Variants in CPVL observed in about 807,000 individuals in gnomAD.
The protein encoded by CPVL is probable serine carboxypeptidase CPVL.
A neutral mutation model predicts 63.7 loss-of-function variants in CPVL; 51 were observed. The observed-to-expected ratio is 0.80, with a 90% CI of 0.64 to 1.01. The LOEUF is 1.01. Ranked by LOEUF, CPVL falls within the 50% of genes least tolerant of loss-of-function variation. The pLI is 0.00. For synonymous variants in CPVL, 195 were observed against 206.0 expected (o/e 0.95, Z 0.46); for missense variants, 530 against 573.1 (o/e 0.92, Z 0.77).
At chr7:29,117,790 T>G (rs1268954193) in intron 2 of CPVL, among the ~76,000 whole-genome samples, 1 of 152,222 alleles carries the variant, frequency 6.6e-6, no homozygotes, top group Non-Finnish European at 1.5e-5. Context: ...TAAAGCACAA[T>G]GCCTGGCACA....
At chr7:29,120,137 A>G (rs952806966) in intron 2 of CPVL, among the ~76,000 whole-genome samples, 1 of 152,210 alleles carries the variant, frequency 6.6e-6, no homozygotes, top group Admixed American at 6.5e-5. Context: ...AATATTTGAC[A>G]TAGGCTGGGT....
chr7:29,097,352 T>C (rs1786543085), intron 3 of CPVL, among the ~76,000 whole-genome samples: 1 of 152,218 alleles, frequency 6.6e-6, no homozygotes, highest in Admixed American at 6.5e-5. Flanking sequence ...AGAAAACGCA[T>C]GTCCTCTTGG....
chr7:29,122,603 T>C (rs1789495110), intron 1 of CPVL: 1 of 152,142 alleles, frequency 6.6e-6, no homozygotes, highest in African/African-American at 2.4e-5. Flanking sequence ...AAAAAAATCC[T>C]TGTCACCAGG....
chr7:29,097,004 A>G (rs1340116926), intron 3 of CPVL, among the ~76,000 whole-genome samples: 1 of 151,558 alleles, frequency 6.6e-6, no homozygotes, highest in Non-Finnish European at 1.5e-5. Flanking sequence ...AAAAAAAAAA[A>G]AAAAAGAATG....
At chr7:29,163,160 T>A (rs1303727576) in intron 5 of CPVL, among the ~76,000 whole-genome samples, 1 of 152,150 alleles carries the variant, frequency 6.6e-6, no homozygotes, top group Non-Finnish European at 1.5e-5. Context: ...GATACTCAAT[T>A]CTATTATGGG....
chr7:29,148,523 A>G (rs982538448), upstream of CPVL: 1 of 152,244 alleles, frequency 6.6e-6, no homozygotes, highest in African/African-American at 2.4e-5. Context: ...GAAATATGGC[A>G]TACATTAACC....
intron 5 of CPVL, among the ~76,000 whole-genome samples, chr7:29,173,152 G>C: frequency 6.6e-6 from 1 of 150,850 alleles, no homozygotes; most frequent in East Asian, 1.9e-4. Flanking sequence ...AAAAAAGCTG[G>C]ATGAGATAGT....
chr7:29,005,826 GAT>G (rs941147591), intron 12 of CPVL, among the ~76,000 whole-genome samples: 2 of 152,140 alleles, frequency 1.3e-5, no homozygotes, highest in Non-Finnish European at 2.9e-5. Flanking sequence ...TTTTATACTT[GAT>G]ATCCACAAGA....
At chr7:29,098,430 T>G (rs973393922) in intron 3 of CPVL, among the ~76,000 whole-genome samples, 3 of 152,218 alleles carry the variant, frequency 2.0e-5, no homozygotes, top group Non-Finnish European at 4.4e-5. Context: ...ACCCCTCCTA[T>G]GAGGCGCCAC....
chr7:29,053,517 A>G (rs1375928182), intron 11 of CPVL, among the ~76,000 whole-genome samples: 4 of 152,242 alleles, frequency 2.6e-5, no homozygotes, highest in Non-Finnish European at 5.9e-5. Flanking sequence ...TTTATAAGAA[A>G]TATCCAAAAT....
chr7:29,123,506 A>G (rs1345730951), intron 1 of CPVL, among the ~76,000 whole-genome samples: 1 of 147,818 alleles, frequency 6.8e-6, no homozygotes, highest in East Asian at 2.1e-4. Flanking sequence ...ATTTTTTTAA[A>G]TTACTTGAAC....
chr7:29,086,128 C>T lies in CPVL; in HGVS notation c.609+356G>A, dbSNP rs548482604. Among the ~76,000 whole-genome samples the T allele has an allele frequency of 2.6e-5, 4 of 152,166 alleles. No individual in the cohort carries two copies. The South Asian group carries it at 8.3e-4, about 32-fold the overall frequency. On this transcript the variant is annotated intron_variant, in intron 7 of 12. Coordinates refer to ENST00000265394, the MANE Select transcript of CPVL (RefSeq NM_031311.5). ...CCAACATGGTGAAACCCCATCTCTA[C>T]TAAAAATACAAAAATTAGCCGTGCA...
chr7:29,033,189 C>A (rs1310010221), intron 11 of CPVL, among the ~76,000 whole-genome samples: 1 of 149,494 alleles, frequency 6.7e-6, no homozygotes, highest in African/African-American at 2.5e-5. Flanking sequence ...ATTTCAAAGG[C>A]AGGCCAGCAT....
At chr7:29,128,921 GGGGA>G (rs1374769078) in intron 1 of CPVL, among the ~76,000 whole-genome samples, 1 of 152,106 alleles carries the variant, frequency 6.6e-6, no homozygotes, top group African/African-American at 2.4e-5. Context: ...ACAGTCAATA[GGGGA>G]GGGAGTGGTA....
At chr7:29,148,284 A>G (rs1385963564), upstream of CPVL, among the ~76,000 whole-genome samples, 1 of 152,206 alleles carries the variant, frequency 6.6e-6, no homozygotes, top group Non-Finnish European at 1.5e-5. Flanking sequence ...ACGTGGAACC[A>G]CTTAAAAACT....
chr7:29,081,176 C>T (rs1291036340), intron 7 of CPVL, among the ~76,000 whole-genome samples: 1 of 152,186 alleles, frequency 6.6e-6, no homozygotes, highest in Admixed American at 6.5e-5. Context: ...TGTGTCCGTG[C>T]CTCAAGAACA....
At chr7:29,057,502 T>C (rs1659101963) in intron 11 of CPVL, among the ~76,000 whole-genome samples, 1 of 152,254 alleles carries the variant, frequency 6.6e-6, no homozygotes, top group Admixed American at 6.5e-5. Context: ...TTAATTTTAA[T>C]GATGTCCAGC....
At chr7:29,083,930 C>G (rs913238831) in intron 7 of CPVL, among the ~76,000 whole-genome samples, 1 of 150,754 alleles carries the variant, frequency 6.6e-6, no homozygotes, top group African/African-American at 2.4e-5. Context: ...TAATTTTTTC[C>G]TTTTTTTTTC....
intron 8 of CPVL, 87 bp downstream of exon 8, chr7:29,072,214 T>C: frequency 2.8e-6 from 4 of 1,442,762 alleles, no homozygotes; most frequent in Non-Finnish European, 2.8e-6. Context: ...TATCAAAAGT[T>C]AGACCTCTAA....
Sources: allele counts gnomAD v4.1 joint callset (sites outside exome capture counted in the v4.1 genomes callset), GRCh38; gene constraint gnomAD v4.1.1; transcripts MANE v1.5; gene names NCBI Gene and HGNC (gene_info 2026-07-23, HGNC 2026-07-21).